SKIC3: variants seen among roughly 807,000 people sequenced by gnomAD.
SKIC3 encodes the protein superkiller complex protein 3.
chr5:95,513,676 T>C, the SKIC3 span: 1 of 1,579,752 alleles, frequency 6.3e-7, no homozygotes. Flanking sequence ...ACTCTTAATG[T>C]GTTTAAAAGA....
chr5:95,525,709 C>A, the SKIC3 span: 4 of 1,582,970 alleles, frequency 2.5e-6, no homozygotes, highest in South Asian at 1.1e-5. Flanking sequence ...TATAAATCTC[C>A]TTCAACACAA....
the SKIC3 span, chr5:95,506,850 C>T: frequency 2.4e-4 from 319 of 1,322,922 alleles, no homozygotes; most frequent in Non-Finnish European, 2.7e-4. Context: ...ATTCTAGGAA[C>T]TAGTCAGCAT....
At chr5:95,484,792 G>C in the SKIC3 span, 25 of 1,614,016 alleles carry the variant, frequency 1.5e-5, no homozygotes, top group Non-Finnish European at 1.4e-5. Context: ...GCTTGTGAGA[G>C]AGACCACTTT....
chr5:95,535,469 C>CG, the SKIC3 span, among the ~76,000 whole-genome samples: 1 of 151,952 alleles, frequency 6.6e-6, no homozygotes, highest in South Asian at 2.1e-4. Flanking sequence ...CGCCACCGCG[C>CG]CCGGCTAATT....
At chr5:95,523,386 C>A in the SKIC3 span, 1 of 1,517,648 alleles carries the variant, frequency 6.6e-7, no homozygotes, top group Non-Finnish European at 9.0e-7. Context: ...ACAGAACGCT[C>A]ATGTAAAGTA....
the SKIC3 span, among the ~76,000 whole-genome samples, chr5:95,546,649 G>A: frequency 1.3e-5 from 2 of 151,984 alleles, no homozygotes; most frequent in Admixed American, 6.6e-5. Flanking sequence ...TCTCTCCCCC[G>A]AGTCCAATTT....
chr5:95,490,870 G>C, the SKIC3 span: 3 of 1,611,130 alleles, frequency 1.9e-6, no homozygotes, highest in South Asian at 3.3e-5. Context: ...CAAGAAATCT[G>C]AATTAAATCA....
chr5:95,515,883 G>A, the SKIC3 span, among the ~76,000 whole-genome samples: 1 of 151,970 alleles, frequency 6.6e-6, no homozygotes, highest in Non-Finnish European at 1.5e-5. Flanking sequence ...ATGTATAATT[G>A]CTCAAGTATG....
chr5:95,507,025 A>G, the SKIC3 span: 3 of 1,595,516 alleles, frequency 1.9e-6, no homozygotes, highest in Non-Finnish European at 2.6e-6. Flanking sequence ...AAAAAAAAAA[A>G]GGTATTTTAA....
chr5:95,486,030 G>A, the SKIC3 span, among the ~76,000 whole-genome samples: 1 of 152,136 alleles, frequency 6.6e-6, no homozygotes, highest in Admixed American at 6.5e-5. Flanking sequence ...CTAGCCATAA[G>A]ACAACCTCGT....
chr5:95,485,813 A>G, the SKIC3 span, among the ~76,000 whole-genome samples: 1 of 152,218 alleles, frequency 6.6e-6, no homozygotes, highest in Non-Finnish European at 1.5e-5. Flanking sequence ...GCAAGTAGAT[A>G]ATCACACTTC....
chr5:95,513,367 C>T, the SKIC3 span: 1 of 543,232 alleles, frequency 1.8e-6, no homozygotes, highest in Admixed American at 3.0e-5. Flanking sequence ...TCATACCTGG[C>T]TAATTTTTAA....
the SKIC3 span, chr5:95,469,979 T>C: frequency 6.6e-7 from 1 of 1,508,574 alleles, no homozygotes; most frequent in Non-Finnish European, 9.0e-7. Context: ...TTCAATTCAA[T>C]TCTTTTTTTT....
At chr5:95,515,198 A>G in the SKIC3 span, 7 of 384,314 alleles carry the variant, frequency 1.8e-5, no homozygotes, top group Non-Finnish European at 3.5e-5. Context: ...CTTTTAACCA[A>G]CCAATCATCC....
the SKIC3 span, among the ~76,000 whole-genome samples, chr5:95,517,770 C>T: frequency 6.6e-6 from 1 of 152,054 alleles, no homozygotes; most frequent in Non-Finnish European, 1.5e-5. Context: ...GTTTTGACTA[C>T]ATCCCCACAA....
the SKIC3 span, among the ~76,000 whole-genome samples, chr5:95,540,083 C>A: frequency 6.6e-6 from 1 of 152,084 alleles, no homozygotes; most frequent in Non-Finnish European, 1.5e-5. Context: ...CACACATACA[C>A]ACACAATGGA....
the SKIC3 span, among the ~76,000 whole-genome samples, chr5:95,516,102 A>C: frequency 1.3e-5 from 2 of 152,130 alleles, no homozygotes; most frequent in East Asian, 3.8e-4. Flanking sequence ...AAACTGTTTT[A>C]ATCTCTAAAT....
chr5:95,491,121 C>A, the SKIC3 span: 1 of 1,526,264 alleles, frequency 6.6e-7, no homozygotes, highest in East Asian at 2.4e-5. Flanking sequence ...TAAGAGTTTA[C>A]AAGTTAAAAA....
At chr5:95,470,290 C>T in the SKIC3 span, among the ~76,000 whole-genome samples, 1 of 152,130 alleles carries the variant, frequency 6.6e-6, no homozygotes, top group South Asian at 2.1e-4. Context: ...CAATTCAATT[C>T]TTATTGAGTA....
Sources: gnomAD v4.1 joint callset for allele counts (sites outside exome capture counted in the v4.1 genomes callset) on GRCh38, gnomAD v4.1.1 for gene constraint, MANE v1.5 for transcripts, NCBI Gene and HGNC (gene_info 2026-07-23, HGNC 2026-07-21) for gene names.